The following AK8 variants were observed in gnomAD, a reference collection of about 807,000 sequenced individuals.
The protein encoded by AK8 is ATP-AMP transphosphorylase 8.
A neutral mutation model predicts 54.6 loss-of-function variants in AK8; 44 were observed. That is an observed-to-expected ratio of 0.81 (90% CI 0.63 to 1.04). The LOEUF (loss-of-function observed/expected upper bound fraction) is 1.04, where lower values mean the gene tolerates loss of function less well. Ranked by LOEUF, AK8 falls within the 50% of genes least tolerant of loss-of-function variation. The probability of loss-of-function intolerance (pLI) is 0.00; values close to 1 mark genes in which losing one functional copy is unlikely to be tolerated. For missense variants in AK8, 555 were observed against 613.6 expected (o/e 0.90, Z 1.01); for synonymous variants, 239 against 245.6 (o/e 0.97, Z 0.25).
At chr9:132,738,207 C>A (rs1837207839) in intron 11 of AK8, among the ~76,000 whole-genome samples, 1 of 152,088 alleles carries the variant, frequency 6.6e-6, no homozygotes, top group South Asian at 2.1e-4. Flanking sequence ...GCGTGTGCCA[C>A]CACGCCCGGC....
rs1840365158 is a variant in AK8, at chr9:132,799,961, A to C, written c.980-7186T>G. Among the ~76,000 whole-genome samples, 1 of 152,134 alleles carries C rather than the reference A, an allele frequency of 6.6e-6. No homozygotes were observed. Among genetic ancestry groups the C allele is most frequent in the Admixed American group, 6.5e-5 (1 of 15,274 alleles). On this transcript the variant is annotated intron_variant, in intron 10 of 12. Transcript: ENST00000298545. The surrounding 1 kb of genome is among the most constrained non-coding windows in gnomAD (Gnocchi z 5.0). Reference sequence around the variant, plus strand: ...CCAATAGGACCCAGGAGGTCCAGGGAATCTTACAAAAGGAACAGGACTGTG... The same window carrying C: ...CCAATAGGACCCAGGAGGTCCAGGGCATCTTACAAAAGGAACAGGACTGTG...
intron 11 of AK8, among the ~76,000 whole-genome samples, chr9:132,729,705 G>A (rs943378959): frequency 6.6e-6 from 1 of 152,114 alleles, no homozygotes; most frequent in Non-Finnish European, 1.5e-5. Context: ...CCTCCTTGAC[G>A]ACATTGACAG....
chr9:132,863,112 G>A (rs1425973970), intron 4 of AK8, among the ~76,000 whole-genome samples: 1 of 152,260 alleles, frequency 6.6e-6, no homozygotes, highest in Non-Finnish European at 1.5e-5. Context: ...CACACCTCCT[G>A]CAATGCTCCC....
At chr9:132,801,915 T>A (rs1840477684) in intron 10 of AK8, among the ~76,000 whole-genome samples, 1 of 152,202 alleles carries the variant, frequency 6.6e-6, no homozygotes, top group African/African-American at 2.4e-5. Context: ...GAGCTTGGAT[T>A]TGCATCCAGC....
chr9:132,839,865 T>C (rs1315092402), intron 5 of AK8, among the ~76,000 whole-genome samples: 1 of 146,108 alleles, frequency 6.8e-6, no homozygotes, highest in African/African-American at 2.5e-5. Context: ...TCACCCAGGC[T>C]AGAGTGCAGT....
chr9:132,862,330 T>TC (rs1491462276), intron 4 of AK8, among the ~76,000 whole-genome samples: 1 of 140,980 alleles, frequency 7.1e-6, no homozygotes, highest in Non-Finnish European at 1.5e-5. Flanking sequence ...TTTCTCTCTC[T>TC]TTTTTTTTTT....
At chr9:132,797,742 A>G (rs1248037998) in intron 10 of AK8, among the ~76,000 whole-genome samples, 1 of 152,214 alleles carries the variant, frequency 6.6e-6, no homozygotes, top group African/African-American at 2.4e-5. Context: ...TTTAATGCTT[A>G]AAACAGATTG....
chr9:132,774,681 G>A (rs916045777), intron 11 of AK8, among the ~76,000 whole-genome samples: 2 of 152,108 alleles, frequency 1.3e-5, no homozygotes, highest in South Asian at 4.2e-4. Context: ...GTCGAGCATC[G>A]CGCCTGCCAA....
intron 7 of AK8, chr9:132,827,348 T>C: frequency 2.1e-6 from 1 of 473,506 alleles, no homozygotes; most frequent in Non-Finnish European, 3.8e-6. Context: ...GACTCCCATT[T>C]CATCTTCACA....
At chr9:132,800,064 C>T (rs1395569644) in intron 10 of AK8, among the ~76,000 whole-genome samples, 1 of 152,228 alleles carries the variant, frequency 6.6e-6, no homozygotes, top group Non-Finnish European at 1.5e-5. Flanking sequence ...AGAAGCGGGG[C>T]TCGCATCCCG....
intron 11 of AK8, among the ~76,000 whole-genome samples, chr9:132,746,589 G>A (rs550393257): frequency 5.3e-5 from 8 of 152,234 alleles, no homozygotes; most frequent in Non-Finnish European, 8.8e-5. Context: ...TCCGACTTGC[G>A]CAACAGGGAG....
At chr9:132,830,278 G>A (rs569118670) in intron 5 of AK8, among the ~76,000 whole-genome samples, 1 of 152,194 alleles carries the variant, frequency 6.6e-6, no homozygotes, top group Admixed American at 6.5e-5. Context: ...TATGCATCTC[G>A]ATGCCTATCA....
intron 10 of AK8, 105 bp from the exon 11 acceptor site, chr9:132,792,880 C>G (rs978329323): frequency 3.0e-5 from 42 of 1,379,910 alleles, no homozygotes; most frequent in Admixed American, 1.1e-4. Flanking sequence ...AGAAGTGGGT[C>G]TAGGTGGAGC....
intron 2 of AK8, among the ~76,000 whole-genome samples, chr9:132,871,251 A>G (rs1371232305): frequency 6.6e-6 from 1 of 152,150 alleles, no homozygotes; most frequent in East Asian, 1.9e-4. Flanking sequence ...ATCTCAAAAC[A>G]AAAAGAAAAA....
intron 11 of AK8, among the ~76,000 whole-genome samples, chr9:132,780,342 G>A (rs571516955): frequency 2.0e-5 from 3 of 152,230 alleles, no homozygotes; most frequent in Non-Finnish European, 2.9e-5. Flanking sequence ...CGCTGAGTGC[G>A]GAAGTGACAG....
chr9:132,748,162 A>G (rs1382610067), intron 11 of AK8, among the ~76,000 whole-genome samples: 2 of 151,900 alleles, frequency 1.3e-5, no homozygotes, highest in Non-Finnish European at 2.9e-5. Flanking sequence ...AAAGACGGAA[A>G]AGTGTGCATT....
chr9:132,849,750 C>G (rs1769243112), intron 5 of AK8, among the ~76,000 whole-genome samples: 1 of 152,160 alleles, frequency 6.6e-6, no homozygotes, highest in South Asian at 2.1e-4. Flanking sequence ...TGGGGCTTCC[C>G]AATCAATATA....
intron 10 of AK8, among the ~76,000 whole-genome samples, chr9:132,802,539 G>A (rs1255751441): frequency 6.6e-6 from 1 of 152,142 alleles, no homozygotes; most frequent in East Asian, 1.9e-4. Context: ...TAAGAAGGCA[G>A]GTGAAGCCAG....
chr9:132,756,808 AC>A (rs1191898015), intron 11 of AK8, among the ~76,000 whole-genome samples: 2 of 151,750 alleles, frequency 1.3e-5, no homozygotes, highest in Non-Finnish European at 2.9e-5. Flanking sequence ...CGAATTCCGC[AC>A]CCCCATAAAA....
Sources: gnomAD v4.1 joint callset for allele counts (sites outside exome capture counted in the v4.1 genomes callset) on GRCh38, gnomAD v4.1.1 for gene constraint, Gnocchi (gnomAD v3.1) non-coding constraint, MANE v1.5 for transcripts, NCBI Gene and HGNC (gene_info 2026-07-23, HGNC 2026-07-21) for gene names.